KIF13B: variants seen among roughly 807,000 people sequenced by gnomAD.
The protein encoded by KIF13B is kinesin-like protein KIF13B.
KIF13B carries 127 observed loss-of-function variants against 222.0 expected under a neutral mutation model. That is an observed-to-expected ratio of 0.57 (90% confidence interval 0.50 to 0.66). The LOEUF (loss-of-function observed/expected upper bound fraction) is 0.66. Ranked by LOEUF, KIF13B falls within the 30% of genes least tolerant of loss-of-function variation. KIF13B has a pLI of 0.00. For missense variants in KIF13B, 2,173 were observed against 2,379.0 expected, an observed-to-expected ratio of 0.91 and a Z score of 1.80; for synonymous variants, 976 against 919.0, an observed-to-expected ratio of 1.06 and a Z score of -1.12.
chr8:29,182,711 TAAG>T (rs1251401906), intron 6 of KIF13B, among the ~76,000 whole-genome samples: 2 of 151,538 alleles, frequency 1.3e-5, no homozygotes, highest in African/African-American at 4.8e-5. Context: ...CCAAAAATAT[TAAG>T]AATAATAATA....
At chr8:29,085,849 CAAAA>C (rs752162185) in intron 37 of KIF13B, among the ~76,000 whole-genome samples, 2 of 67,362 alleles carry the variant, frequency 3.0e-5, no homozygotes, top group South Asian at 5.4e-4. Context: ...GAGCCCGTAA[CAAAA>C]AAAAAAAAAA....
chr8:29,250,815 A>G (rs530583061), intron 1 of KIF13B, among the ~76,000 whole-genome samples: 88 of 152,312 alleles, frequency 5.8e-4, no homozygotes, highest in African/African-American at 2.1e-3. Flanking sequence ...AATGAAACAC[A>G]TTTCGATATA....
intron 21 of KIF13B, among the ~76,000 whole-genome samples, chr8:29,137,574 T>G (rs1055518777): frequency 2.0e-5 from 3 of 152,260 alleles, no homozygotes; most frequent in African/African-American, 7.2e-5. Flanking sequence ...GGGGGCTAAT[T>G]ACACTCACCA....
At chr8:29,155,482 C>T (rs761584473) in intron 14 of KIF13B, among the ~76,000 whole-genome samples, 1 of 152,092 alleles carries the variant, frequency 6.6e-6, no homozygotes, top group Non-Finnish European at 1.5e-5. Context: ...GGAGGCAGCT[C>T]GTGGTGTTGG....
intron 36 of KIF13B, among the ~76,000 whole-genome samples, chr8:29,098,862 C>T (rs1808662840): frequency 6.6e-6 from 1 of 152,004 alleles, no homozygotes; most frequent in Non-Finnish European, 1.5e-5. Context: ...TACTATAGAG[C>T]ACATACACAA....
intron 1 of KIF13B, among the ~76,000 whole-genome samples, chr8:29,262,456 G>A (rs1232205901): frequency 1.3e-5 from 2 of 152,266 alleles, no homozygotes; most frequent in Admixed American, 6.5e-5. Context: ...CGGGGCACCC[G>A]CCTGGCCCCC....
At chr8:29,149,268 C>T (rs1811196666) in intron 15 of KIF13B, among the ~76,000 whole-genome samples, 1 of 152,190 alleles carries the variant, frequency 6.6e-6, no homozygotes. Context: ...AAGCAGTTTA[C>T]ACGTCATTTA....
intron 35 of KIF13B, 50 bp downstream of exon 35, chr8:29,108,089 G>T: frequency 6.8e-7 from 1 of 1,480,834 alleles, no homozygotes; most frequent in Non-Finnish European, 9.3e-7. Context: ...GATGAAAGCT[G>T]AATGGGAAAT....
chr8:29,248,721 A>G (rs1442626506), intron 1 of KIF13B, among the ~76,000 whole-genome samples: 2 of 152,240 alleles, frequency 1.3e-5, no homozygotes, highest in Non-Finnish European at 2.9e-5. Context: ...GCCAAACTAT[A>G]TCAAGAACTG....
At position 29,177,643 on chromosome 8, in the gene KIF13B, A is replaced by C. The variant is rs903909304; in HGVS notation, c.721-65T>G. On this transcript the variant is annotated intron_variant, in intron 8 of 39. Coordinates refer to ENST00000524189, the MANE Select transcript of KIF13B (RefSeq NM_015254.4). Reference sequence around the variant, plus strand: ...AGGGCCAGGTGTGGTGGCTCATGCCAGTAATCCCAGCACTTTGGGAGGACA... The same window carrying C: ...AGGGCCAGGTGTGGTGGCTCATGCCCGTAATCCCAGCACTTTGGGAGGACA... 283 of 1,054,958 alleles carry C rather than the reference A, an allele frequency of 2.7e-4. 3 individuals carry two copies. The East Asian group carries it at 6.6e-3, about 24-fold the overall frequency. The allele number at this position is 1,054,958 out of a possible 1,614,324, so 65.3% of individuals were successfully genotyped here.
At chr8:29,247,696 T>C (rs575705902) in intron 1 of KIF13B, among the ~76,000 whole-genome samples, 1 of 151,496 alleles carries the variant, frequency 6.6e-6, no homozygotes, top group South Asian at 2.1e-4. Context: ...TAGCCAGGCA[T>C]GGTGGTGGGA....
At chr8:29,103,245 A>AAC (rs1379495063) in intron 35 of KIF13B, among the ~76,000 whole-genome samples, 139 of 151,328 alleles carry the variant, frequency 9.2e-4, no homozygotes, top group Non-Finnish European at 1.8e-3. Flanking sequence ...CTGTCTCAAA[A>AAC]AAAAAAAAAA....
intron 21 of KIF13B, 69 bp from the exon 22 acceptor site, chr8:29,134,279 C>G (rs969423519): frequency 6.8e-7 from 1 of 1,469,656 alleles, no homozygotes; most frequent in African/African-American, 1.4e-5. Flanking sequence ...GTTGCAGGTT[C>G]CAGCCCCGGC....
At chr8:29,126,172 C>T (rs1416248353) in intron 26 of KIF13B, among the ~76,000 whole-genome samples, 5 of 151,730 alleles carry the variant, frequency 3.3e-5, no homozygotes, top group South Asian at 2.1e-4. Flanking sequence ...ATAGGGGCAA[C>T]GAGTGGGGAC....
chr8:29,257,304 T>A (rs1816518378), intron 1 of KIF13B, among the ~76,000 whole-genome samples: 1 of 151,768 alleles, frequency 6.6e-6, no homozygotes, highest in African/African-American at 2.4e-5. Flanking sequence ...ACTTCCCAGG[T>A]CACAGGGCAC....
At chr8:29,131,042 T>G (rs13261692) in intron 23 of KIF13B, among the ~76,000 whole-genome samples, 56,268 of 152,126 alleles carry the variant, frequency 0.37, 11,244 homozygotes, top group Non-Finnish European at 0.45. Context: ...AGCTCGAGGC[T>G]ATTATCCTAA....
In KIF13B at chr8:29,124,140, A is replaced by C. The variant is rs1265962413; in HGVS notation, c.3253-17T>G. 1.4e-6 allele frequency: 2 copies of C among 1,424,230 alleles called. No individual in the cohort carries two copies. The highest frequency in any genetic ancestry group is 9.9e-7 in the Non-Finnish European group (1 of 1,009,250). 88.2% of individuals were successfully genotyped at this position (1,424,230 alleles called of 1,614,324 possible). A position where few individuals can be genotyped will look rare whatever the true frequency, so the allele number is the denominator to read the frequency against. ...ATCTCGATCCTGGAAGCAAGCAAGG[A>C]AAATCATATTCAATGTAATGTCAAG... On this transcript the variant is annotated splice_polypyrimidine_tract_variant and intron_variant, in intron 26 of 39. Transcript: ENST00000524189.
intron 25 of KIF13B, among the ~76,000 whole-genome samples, 176 bp downstream of exon 25, chr8:29,126,946 A>G (rs971529140): frequency 6.6e-6 from 1 of 152,210 alleles, no homozygotes; most frequent in African/African-American, 2.4e-5. Flanking sequence ...CAAAACCAGT[A>G]ATACAGTCCG....
chr8:29,113,949 C>T (rs770340101), intron 31 of KIF13B, among the ~76,000 whole-genome samples: 5 of 152,284 alleles, frequency 3.3e-5, no homozygotes, highest in Admixed American at 2.0e-4. Flanking sequence ...CTCCCCAGCA[C>T]GATGGACATC....
Sources: gnomAD v4.1 joint callset for allele counts (sites outside exome capture counted in the v4.1 genomes callset) on GRCh38, gnomAD v4.1.1 for gene constraint, MANE v1.5 for transcripts, NCBI Gene and HGNC (gene_info 2026-07-23, HGNC 2026-07-21) for gene names.